Variants in ADAMTS3 observed in about 807,000 individuals in gnomAD.
ADAMTS3 encodes the protein A disintegrin and metalloproteinase with thrombospondin motifs 3.
In ADAMTS3, 73 loss-of-function variants were observed where a neutral mutation model predicts 129.0. The ratio of observed to expected loss-of-function variants is 0.57; its 90% CI spans 0.47 to 0.69. The LOEUF is 0.69. ADAMTS3 is among the 30% of genes least tolerant of loss of function. The pLI is 0.00. For synonymous variants in ADAMTS3, 477 were observed against 510.8 expected (o/e 0.93, Z 0.89); for missense variants, 1,457 against 1,514.5 (o/e 0.96, Z 0.63).
In ADAMTS3 at chr4:72,283,118, C is replaced by A; in HGVS notation, c.*18G>T. The A allele has an allele frequency of 8.9e-6, 14 of 1,575,936 alleles. No homozygotes were observed. Among genetic ancestry groups the A allele is most frequent in the Non-Finnish European group, 1.2e-5 (14 of 1,160,820 alleles). ...GTCCAGGTTTTCCTCTGGTTTCTAG[C>A]CTTTTTGGTTCACTTTCTCATCTTT... On this transcript the variant is annotated 3_prime_UTR_variant, in exon 22 of 22. Transcript: ENST00000286657.
intron 4 of ADAMTS3, among the ~76,000 whole-genome samples, chr4:72,381,097 T>G (rs1721277360): frequency 6.6e-6 from 1 of 152,102 alleles, no homozygotes; most frequent in Non-Finnish European, 1.5e-5. Context: ...ACAGTGCAAA[T>G]TGTTCTATTT....
chr4:72,469,960 T>A (rs925138873), intron 3 of ADAMTS3, among the ~76,000 whole-genome samples: 4 of 152,148 alleles, frequency 2.6e-5, no homozygotes, highest in Non-Finnish European at 5.9e-5. Context: ...AAGCTATTAG[T>A]GGTTAAGCTT....
chr4:72,558,003 C>T (rs1721810189), intron 2 of ADAMTS3, among the ~76,000 whole-genome samples: 1 of 151,760 alleles, frequency 6.6e-6, no homozygotes, highest in South Asian at 2.1e-4. Flanking sequence ...ATATTTCTCA[C>T]ACCTCTTATA....
At chr4:72,514,043 CCT>C (rs1156620269) in intron 3 of ADAMTS3, among the ~76,000 whole-genome samples, 1 of 152,032 alleles carries the variant, frequency 6.6e-6, no homozygotes, top group Non-Finnish European at 1.5e-5. Flanking sequence ...TCTATTCTGT[CCT>C]CTGAATTTTC....
At chr4:72,313,604 A>G in intron 12 of ADAMTS3, 73 bp downstream of exon 12, 2 of 1,496,270 alleles carry the variant, frequency 1.3e-6, no homozygotes, top group Admixed American at 3.8e-5. Flanking sequence ...TATAAAACAG[A>G]ATACTAATAA....
At chr4:72,339,433 C>A in intron 5 of ADAMTS3, 61 bp downstream of exon 5, 1 of 1,550,992 alleles carries the variant, frequency 6.4e-7, no homozygotes, top group Non-Finnish European at 8.9e-7. Context: ...CCAAAGGGTA[C>A]CAACAAATAA....
chr4:72,294,125 C>A (rs1000413326), intron 19 of ADAMTS3, among the ~76,000 whole-genome samples: 1 of 151,992 alleles, frequency 6.6e-6, no homozygotes, highest in Non-Finnish European at 1.5e-5. Context: ...AAGTTTGTGT[C>A]ATTTGCCACA....
chr4:72,462,947 C>T (rs1718811848), intron 3 of ADAMTS3, among the ~76,000 whole-genome samples: 2 of 151,854 alleles, frequency 1.3e-5, no homozygotes, highest in Admixed American at 1.3e-4. Context: ...GAGGAGTGTA[C>T]AGTAATGTTT....
intron 19 of ADAMTS3, among the ~76,000 whole-genome samples, chr4:72,292,286 C>T (rs1284000157): frequency 6.6e-6 from 1 of 152,192 alleles, no homozygotes; most frequent in Non-Finnish European, 1.5e-5. Flanking sequence ...GACGAGGGCA[C>T]ATTTTTATAA....
chr4:72,514,708 A>C (rs555167999), intron 3 of ADAMTS3, among the ~76,000 whole-genome samples: 1 of 152,318 alleles, frequency 6.6e-6, no homozygotes, highest in Admixed American at 6.5e-5. Flanking sequence ...AAAACATTTA[A>C]CATAGCTTCT....
Position 72,530,261 on chromosome 4 carries a change from T to A in ADAMTS3, c.504+18217A>T, listed in dbSNP as rs1440330963. Reference sequence around the variant, plus strand: ...TTAAATATATATAATATATTTATATTATATATAATATATAATATATAATAA... The same window carrying A: ...TTAAATATATATAATATATTTATATAATATATAATATATAATATATAATAA... On this transcript the variant is annotated intron_variant, in intron 3 of 21. Transcript: ENST00000286657. 3.9e-4 allele frequency among the ~76,000 whole-genome samples: 32 copies of A among 81,812 alleles called. 1 individual carries two copies. The highest frequency in any genetic ancestry group is 1.2e-3 in the African/African-American group (25 of 20,466). 53.7% of individuals were successfully genotyped at this position (81,812 alleles called of 152,430 possible). A position where few individuals can be genotyped will look rare whatever the true frequency, so the allele number is the denominator to read the frequency against.
Position 72,518,593 on chromosome 4 carries a change from A to G in ADAMTS3, c.504+29885T>C, listed in dbSNP as rs951825894. ...ATTGATCCCTTTACCATTATGTAATAGCCTTCTTTGTCTCTTTTGATCTTT... is the reference window on the plus strand; with the variant it reads ...ATTGATCCCTTTACCATTATGTAATGGCCTTCTTTGTCTCTTTTGATCTTT... On this transcript the variant is annotated intron_variant, in intron 3 of 21. Coordinates refer to ENST00000286657, the MANE Select transcript of ADAMTS3 (RefSeq NM_014243.3). 1.9e-3 allele frequency among the ~76,000 whole-genome samples: 293 copies of G among 152,088 alleles called. 1 individual carries two copies. The highest frequency in any genetic ancestry group is 3.3e-3 in the Non-Finnish European group (227 of 67,932).
At position 72,569,085 on chromosome 4, in the gene ADAMTS3, T is replaced by G. The variant is rs1456247953; in HGVS notation, c.-323A>C. The G allele has an allele frequency of 2.6e-6, 1 of 377,648 alleles. No individual in the cohort carries two copies. 23.4% of individuals were successfully genotyped at this position (377,648 alleles called of 1,614,324 possible). On this transcript the variant is annotated 5_prime_UTR_variant, in exon 1 of 22. Coordinates refer to ENST00000286657, the MANE Select transcript of ADAMTS3 (RefSeq NM_014243.3). The stretch of plus-strand genomic sequence containing the variant: ...GGACGAGGGGCTTTCCAACTATCTC[T>G]GCCCAAAGCAGCTTTTTCGAGGCTT...
rs1230604681 is a variant in ADAMTS3 at position 72,370,404 on chromosome 4, C to T, written c.662-30711G>A. ...ATATCAATTTGCTTATTACATTAAT[C>T]TGCTTATTATATCAATCTGCTTATT... is the stretch of plus-strand genomic sequence containing the variant. On this transcript the variant is annotated intron_variant, in intron 4 of 21. Transcript: ENST00000286657. 4.2e-5 allele frequency among the ~76,000 whole-genome samples: 3 copies of T among 70,656 alleles called. No homozygotes were observed. The South Asian group carries it at 9.9e-4, about 23-fold the overall frequency. The allele number at this position is 70,656 out of a possible 152,430, so 46.4% of individuals were successfully genotyped here.
intron 3 of ADAMTS3, among the ~76,000 whole-genome samples, chr4:72,487,262 GA>G (rs1719614875): frequency 6.6e-6 from 1 of 152,030 alleles, no homozygotes; most frequent in South Asian, 2.1e-4. Flanking sequence ...CAAATAAGTA[GA>G]AGACAAAGGT....
intron 4 of ADAMTS3, among the ~76,000 whole-genome samples, chr4:72,341,848 A>G (rs969267398): frequency 1.2e-4 from 19 of 152,294 alleles, no homozygotes; most frequent in African/African-American, 4.3e-4. Context: ...TTGAAAATCA[A>G]GAATAATTTG....
chr4:72,369,953 T>C (rs889865951), intron 4 of ADAMTS3, among the ~76,000 whole-genome samples: 10 of 152,186 alleles, frequency 6.6e-5, no homozygotes. Flanking sequence ...AAACTTTATA[T>C]GGACACAAAT....
intron 10 of ADAMTS3, 68 bp downstream of exon 10, chr4:72,318,504 C>T (rs1578577677): frequency 6.5e-7 from 1 of 1,547,610 alleles, no homozygotes; most frequent in Non-Finnish European, 8.8e-7. Flanking sequence ...GTCTGTAAAT[C>T]TCACCAAGCA....
chr4:72,355,440 C>T (rs1192997285), intron 4 of ADAMTS3, among the ~76,000 whole-genome samples: 1 of 151,866 alleles, frequency 6.6e-6, no homozygotes, highest in Admixed American at 6.6e-5. Context: ...CTTGATAGAG[C>T]AAAGAAAAGC....
Sources: gnomAD v4.1 joint callset for allele counts (sites outside exome capture counted in the v4.1 genomes callset) on GRCh38, gnomAD v4.1.1 for gene constraint, MANE v1.5 for transcripts, NCBI Gene and HGNC (gene_info 2026-07-23, HGNC 2026-07-21) for gene names.